Variants in ZNF595 observed in about 807,000 individuals in gnomAD.
The protein encoded by ZNF595 is zinc finger protein 595.
Under a neutral mutation model 19.4 loss-of-function variants are expected in ZNF595, and 9 were observed. The ratio of observed to expected loss-of-function variants is 0.46; its 90% CI spans 0.28 to 0.81. The LOEUF is 0.81. ZNF595 is among the 30% of genes least tolerant of loss of function. The pLI, the probability that ZNF595 is intolerant of heterozygous loss-of-function variation, is 0.11. For missense variants in ZNF595, 729 were observed against 736.0 expected (o/e 0.99, Z 0.11); for synonymous variants, 255 against 255.9 (o/e 1.00, Z 0.03).
At position 79,675 on chromosome 4, in the gene ZNF595, G is replaced by GTTT. The variant is rs202205324; in HGVS notation, c.227-6044_227-6042dup. 1.2e-3 allele frequency among the ~76,000 whole-genome samples: 150 copies of GTTT among 127,504 alleles called. 1 individual carries two copies. Among genetic ancestry groups the GTTT allele is most frequent in the Non-Finnish European group, 1.9e-3 (112 of 58,908 alleles). 83.6% of individuals were successfully genotyped at this position (127,504 alleles called of 152,430 possible). ...GTAGTGCAGTATCTCCAGCTTTGTT[G>GTTT]TTTTTTTTTTTTTTCTTTTCTTTTG... is the stretch of plus-strand genomic sequence containing the variant. On this transcript the variant is annotated intron_variant, in intron 3 of 3. Transcript: ENST00000610261.
At position 86,288 on chromosome 4, in the gene ZNF595, G is replaced by A; in HGVS notation, c.784G>A (p.Gly262Ser). The change falls in exon 4 of 4, where the codon GGC (glycine) becomes AGC (serine). Residue 262 changes from glycine (G) to serine (S), a missense_variant. Around this residue, in one of 2 missense-constraint regions of ZNF595, gnomAD observed 729 missense variants for 675.3 expected, o/e 1.08. Coordinates refer to ENST00000610261, the MANE Select transcript of ZNF595 (RefSeq NM_182524.4). ...GAAACCCTACAAATGTGAAGAATGT[G>A]GCAAAGCCTTTACAAGGTCCACAAC... ...GEKPYKCEEC[G>S]KAFTRSTTLN... 6.2e-7 allele frequency: 1 copy of A among 1,611,750 alleles called. No homozygotes were observed. The highest frequency in any genetic ancestry group is 2.2e-5 in the East Asian group (1 of 44,800).
At position 78,741 on chromosome 4, in the gene ZNF595, A is replaced by G. The variant is rs553957422; in HGVS notation, c.227-6990A>G. ...TCTTTCTTTCTTTCTTTTTTGAGACAGAGTTTTGCTCTTGTTGCCCAAGCT... is the reference window on the plus strand; with the variant it reads ...TCTTTCTTTCTTTCTTTTTTGAGACGGAGTTTTGCTCTTGTTGCCCAAGCT... On this transcript the variant is annotated intron_variant, in intron 3 of 3. Coordinates refer to ENST00000610261, the MANE Select transcript of ZNF595 (RefSeq NM_182524.4). Among the ~76,000 whole-genome samples, 211 of 152,256 alleles carry G rather than the reference A, an allele frequency of 1.4e-3. 1 individual carries two copies. The highest frequency in any genetic ancestry group is 4.8e-3 in the African/African-American group (199 of 41,544).
At chr4:73,188 A>T (rs1553798129) in intron 3 of ZNF595, among the ~76,000 whole-genome samples, 1 of 151,860 alleles carries the variant, frequency 6.6e-6, no homozygotes, top group Non-Finnish European at 1.5e-5. Context: ...ACCTGCAAGC[A>T]TCTCCAAAAT....
At chr4:73,225 C>T (rs371725275) in intron 3 of ZNF595, among the ~76,000 whole-genome samples, 1 of 151,282 alleles carries the variant, frequency 6.6e-6, no homozygotes. Flanking sequence ...ATTTGTCATA[C>T]GGAGGAGCAA....
At chr4:78,582 A>T (rs1223635780) in intron 3 of ZNF595, among the ~76,000 whole-genome samples, 1 of 152,114 alleles carries the variant, frequency 6.6e-6, no homozygotes, top group Admixed American at 6.5e-5. Flanking sequence ...TAAAATTGCC[A>T]CCTATTCGAT....
rs782074315 is a variant in ZNF595 at position 86,171 on chromosome 4, A to G, written c.667A>G (p.Thr223Ala). The G allele has an allele frequency of 6.2e-7, 1 of 1,613,834 alleles. No homozygotes were observed. The highest frequency in any genetic ancestry group is 8.5e-7 in the Non-Finnish European group (1 of 1,179,894). Residue 223 changes from threonine to alanine, a missense_variant, in exon 4 of 4, where the codon ACT (threonine) becomes GCT (alanine). Physicochemically the swap from Thr to Ala is moderately conservative, Grantham distance 58. Transcript: ENST00000610261. ...TSLSKHKRIH[T>A]GEKPYTCEEC... ...ACTTAGTAAACATAAGAGAATTCATACTGGAGAGAAACCCTACACATGTGA... is the reference window on the plus strand; with the variant it reads ...ACTTAGTAAACATAAGAGAATTCATGCTGGAGAGAAACCCTACACATGTGA...
At chr4:82,402 A>C (rs1553800175) in intron 3 of ZNF595, among the ~76,000 whole-genome samples, 1 of 33,840 alleles carries the variant, frequency 3.0e-5, no homozygotes, top group East Asian at 1.1e-3. Context: ...TTTTTTTTTG[A>C]GATGGAGTTT....
intron 3 of ZNF595, among the ~76,000 whole-genome samples, chr4:81,666 C>T (rs527368467): frequency 6.6e-6 from 1 of 152,294 alleles, no homozygotes; most frequent in South Asian, 2.1e-4. Flanking sequence ...AAAGCTAACA[C>T]TCAGTACACA....
intron 3 of ZNF595, 92 bp from the exon 4 acceptor site, chr4:85,639 T>C: frequency 7.3e-7 from 1 of 1,367,306 alleles, no homozygotes; most frequent in Non-Finnish European, 9.9e-7. Flanking sequence ...ATCTTACTAA[T>C]GCAGTTTGTA....
At chr4:77,253 C>A (rs1360394832) in intron 3 of ZNF595, among the ~76,000 whole-genome samples, 1 of 150,184 alleles carries the variant, frequency 6.7e-6, no homozygotes, top group Non-Finnish European at 1.5e-5. Flanking sequence ...ATATTGCGTT[C>A]TTCAGCTCCA....
chr4:82,044 T>C lies in ZNF595; in HGVS notation c.227-3687T>C, dbSNP rs139462390. The stretch of plus-strand genomic sequence containing the variant: ...TGTATTTTTCCTGGATTTTATTTTA[T>C]TGATCTAGCTGTTCACCTGTATACC... On this transcript the variant is annotated intron_variant, in intron 3 of 3. Coordinates refer to ENST00000610261, the MANE Select transcript of ZNF595 (RefSeq NM_182524.4). Among the ~76,000 whole-genome samples the C allele has an allele frequency of 6.1e-3, 933 of 152,298 alleles. 10 individuals are homozygous for C. Among genetic ancestry groups the C allele is most frequent in the African/African-American group, 0.021 (874 of 41,556 alleles).
chr4:77,896 C>T (rs868935063), intron 3 of ZNF595, among the ~76,000 whole-genome samples: 13 of 152,280 alleles, frequency 8.5e-5, no homozygotes, highest in African/African-American at 3.1e-4. Context: ...ATTGGACAGG[C>T]TCCTAGATGA....
At chr4:66,941 T>C (rs1486465859) in intron 3 of ZNF595, among the ~76,000 whole-genome samples, 1 of 148,858 alleles carries the variant, frequency 6.7e-6, no homozygotes, top group Non-Finnish European at 1.5e-5. Flanking sequence ...ATGTAAAAGT[T>C]AAGAATTGTA....
At chr4:82,158 T>G (rs576865572) in intron 3 of ZNF595, among the ~76,000 whole-genome samples, 2 of 152,260 alleles carry the variant, frequency 1.3e-5, no homozygotes, top group African/African-American at 2.4e-5. Flanking sequence ...TTTTGAAGAT[T>G]GTGGGGTGCT....
At chr4:83,357 C>T (rs1451516054) in intron 3 of ZNF595, among the ~76,000 whole-genome samples, 2 of 151,872 alleles carry the variant, frequency 1.3e-5, no homozygotes, top group African/African-American at 2.4e-5. Flanking sequence ...TAGTGGCTCA[C>T]GCCTGTAATC....
At chr4:60,958 AT>A (rs1484477891) in intron 3 of ZNF595, among the ~76,000 whole-genome samples, 44 of 150,128 alleles carry the variant, frequency 2.9e-4, no homozygotes, top group African/African-American at 9.9e-4. Flanking sequence ...TTGGAAGAAG[AT>A]TTGTCTTGGG....
chr4:76,784 C>G (rs1376534070), intron 3 of ZNF595, among the ~76,000 whole-genome samples: 1 of 152,280 alleles, frequency 6.6e-6, no homozygotes, highest in East Asian at 1.9e-4. Context: ...TCACTCCTAT[C>G]TGGCTTGCAT....
At position 87,715 on chromosome 4, in the gene ZNF595, ATTT is replaced by A. The variant is rs33985555; in HGVS notation, c.*285_*287del. 6.5e-3 allele frequency: 768 copies of A among 117,728 alleles called. 6 individuals are homozygous for A. Among genetic ancestry groups the A allele is most frequent in the African/African-American group, 0.022 (633 of 28,380 alleles). 7.3% of individuals were successfully genotyped at this position (117,728 alleles called of 1,614,324 possible). On this transcript the variant is annotated 3_prime_UTR_variant, in exon 4 of 4. Transcript: ENST00000610261. ...ACACACAGTCCAGTTATACACTTTA[ATTT>A]TTTTTTTTTTTTTTTTTTTTGAGAC...
rs1714229356 is a variant in ZNF595, at chr4:86,977, G to A, written c.1473G>A (p.Trp491Ter). ...KCEECGKAFIWSASLNEHKNI... is the reference protein window; with the variant it reads ...KCEECGKAFI ...AAGAATGTGGCAAAGCTTTCATATG[G>A]TCCGCAAGCCTGAATGAACATAAGA... is the stretch of plus-strand genomic sequence containing the variant. Residue 491 changes from tryptophan to a stop codon, truncating the protein, a stop_gained, in exon 4 of 4, where the codon TGG (tryptophan) becomes TGA (stop). Transcript: ENST00000610261. LOFTEE classifies it high-confidence loss of function. The A allele has an allele frequency of 1.9e-6, 3 of 1,612,830 alleles. No homozygotes were observed. The highest frequency in any genetic ancestry group is 2.5e-6 in the Non-Finnish European group (3 of 1,179,768).
Sources: allele counts gnomAD v4.1 joint callset (sites outside exome capture counted in the v4.1 genomes callset), GRCh38; gene constraint gnomAD v4.1.1; regional missense constraint gnomAD v4.1.1; transcripts MANE v1.5; gene names NCBI Gene and HGNC (gene_info 2026-07-23, HGNC 2026-07-21).